ZFAND3: variants seen among roughly 807,000 people sequenced by gnomAD.
ZFAND3 encodes the protein zinc finger AN1-type containing 3, also known as AN1-type zinc finger protein 3.
Under a neutral mutation model 29.6 loss-of-function variants are expected in ZFAND3, and 10 were observed. The ratio of observed to expected loss-of-function variants is 0.34; its 90% CI spans 0.21 to 0.57. The LOEUF is 0.57. Among genes scored for constraint, ZFAND3 ranks in the 20% least tolerant of loss-of-function variants. The pLI is 0.86. For missense variants in ZFAND3, 230 were observed against 304.5 expected, an observed-to-expected ratio of 0.76 and a Z score of 1.82; for synonymous variants, 128 against 112.6, an observed-to-expected ratio of 1.14 and a Z score of -0.87.
chr6:38,149,411 A>G (rs1280852350), intron 5 of ZFAND3, among the ~76,000 whole-genome samples: 1 of 69,682 alleles, frequency 1.4e-5, no homozygotes, highest in Non-Finnish European at 2.8e-5. Flanking sequence ...ACCCTGTCTC[A>G]AAAAAAAAAA....
intron 2 of ZFAND3, among the ~76,000 whole-genome samples, chr6:37,944,330 A>G (rs765013181): frequency 2.6e-5 from 4 of 152,216 alleles, no homozygotes; most frequent in Non-Finnish European, 5.9e-5. Flanking sequence ...TCTTTATTAT[A>G]GATTTTTAAA....
chr6:37,920,822 A>C (rs534883668), intron 1 of ZFAND3, among the ~76,000 whole-genome samples: 1 of 152,266 alleles, frequency 6.6e-6, no homozygotes, highest in African/African-American at 2.4e-5. Flanking sequence ...CTCCTTTGTC[A>C]TTGCCAGCTA....
intron 2 of ZFAND3, among the ~76,000 whole-genome samples, chr6:37,948,152 A>T (rs543654388): frequency 6.6e-6 from 1 of 152,214 alleles, no homozygotes; most frequent in African/African-American, 2.4e-5. Context: ...ATGTCTGTTG[A>T]TTTTTTGCTT....
intron 5 of ZFAND3, among the ~76,000 whole-genome samples, chr6:38,127,379 C>T (rs1331355737): frequency 6.6e-6 from 1 of 152,198 alleles, no homozygotes; most frequent in Non-Finnish European, 1.5e-5. Context: ...AAGAGTTTTG[C>T]CATCCCATAG....
At position 38,145,048 on chromosome 6, in the gene ZFAND3, T is replaced by C. The variant is rs76724329; in HGVS notation, c.530-7187T>C. On this transcript the variant is annotated intron_variant, in intron 5 of 5. Transcript: ENST00000287218. ...ATTCTTAGGGATTGGAGGGAAATGC[T>C]GGCCTGTAGGGTCCAAGGGCCTCAG... Among the ~76,000 whole-genome samples the C allele has an allele frequency of 0.017, 2,570 of 152,300 alleles. 253 individuals are homozygous for C. In the East Asian group the frequency reaches 0.28, roughly 17 times the overall value.
At chr6:38,013,938 T>TG (rs1763207220) in intron 2 of ZFAND3, among the ~76,000 whole-genome samples, 1 of 152,194 alleles carries the variant, frequency 6.6e-6, no homozygotes, top group African/African-American at 2.4e-5. Flanking sequence ...GTTTTGCTTT[T>TG]GGGGAAAATA....
intron 2 of ZFAND3, among the ~76,000 whole-genome samples, chr6:37,983,934 G>A (rs560568632): frequency 1.6e-4 from 25 of 152,246 alleles, no homozygotes; most frequent in Non-Finnish European, 3.2e-4. Context: ...TCAGCAACAC[G>A]TGACTTACTT....
chr6:38,082,243 C>T, intron 3 of ZFAND3, 149 bp from the exon 4 acceptor site: 1 of 574,376 alleles, frequency 1.7e-6, no homozygotes, highest in Non-Finnish European at 2.9e-6. Flanking sequence ...TTAGAATTAA[C>T]CCACCACCAC....
At chr6:37,907,484 G>A (rs1022099872) in intron 1 of ZFAND3, among the ~76,000 whole-genome samples, 1 of 152,098 alleles carries the variant, frequency 6.6e-6, no homozygotes, top group Non-Finnish European at 1.5e-5. Context: ...GAATCATAAT[G>A]TATAGTCTTT....
intron 2 of ZFAND3, among the ~76,000 whole-genome samples, chr6:38,029,750 G>T (rs565400112): frequency 1.3e-5 from 2 of 152,084 alleles, no homozygotes; most frequent in Non-Finnish European, 2.9e-5. Flanking sequence ...AATATGAAGC[G>T]TTGGTGAGGA....
intron 2 of ZFAND3, among the ~76,000 whole-genome samples, chr6:37,991,264 A>G (rs1319440857): frequency 6.6e-6 from 1 of 152,054 alleles, no homozygotes; most frequent in East Asian, 1.9e-4. Flanking sequence ...ACTGTTGTGA[A>G]GGAGGATCCC....
intron 4 of ZFAND3, among the ~76,000 whole-genome samples, chr6:38,097,005 TCTC>T (rs1764994583): frequency 6.6e-6 from 1 of 152,152 alleles, no homozygotes; most frequent in Non-Finnish European, 1.5e-5. Flanking sequence ...ATGCTCTAAT[TCTC>T]CTCATTTACC....
intron 1 of ZFAND3, among the ~76,000 whole-genome samples, chr6:37,844,282 C>G (rs1764136171): frequency 6.6e-6 from 1 of 150,672 alleles, no homozygotes; most frequent in African/African-American, 2.4e-5. Flanking sequence ...TTCTTTCCTT[C>G]TCTGTCTTTC....
chr6:37,856,192 G>A (rs1581712056), intron 1 of ZFAND3, among the ~76,000 whole-genome samples: 2 of 151,880 alleles, frequency 1.3e-5, no homozygotes, highest in South Asian at 4.2e-4. Flanking sequence ...ACCCAGTTTC[G>A]CCATGTTGCC....
chr6:38,025,945 A>C (rs1239409697), intron 2 of ZFAND3, among the ~76,000 whole-genome samples: 1 of 152,220 alleles, frequency 6.6e-6, no homozygotes, highest in African/African-American at 2.4e-5. Flanking sequence ...TGATGAAAAC[A>C]ATCTAAAATT....
chr6:38,103,444 TATATATACACAC>T (rs1158330967), intron 4 of ZFAND3, among the ~76,000 whole-genome samples: 1 of 71,032 alleles, frequency 1.4e-5, no homozygotes, highest in Non-Finnish European at 2.8e-5. Flanking sequence ...TACACGTGTA[TATATATACACAC>T]ATATATACAC....
intron 5 of ZFAND3, among the ~76,000 whole-genome samples, chr6:38,123,034 G>A (rs1047558465): frequency 3.3e-5 from 5 of 152,294 alleles, no homozygotes; most frequent in South Asian, 2.1e-4. Flanking sequence ...TTGGATGTTC[G>A]TTTATAGTGA....
At chr6:38,045,088 T>TGA (rs1561978653) in intron 2 of ZFAND3, among the ~76,000 whole-genome samples, 15 of 147,612 alleles carry the variant, frequency 1.0e-4, no homozygotes, top group Admixed American at 3.4e-4. Context: ...ATTTATTTAT[T>TGA]TATTTATTTA....
Position 37,908,756 on chromosome 6 carries a change from A to G in ZFAND3, c.72-21203A>G, listed in dbSNP as rs182133788. Reference sequence around the variant, plus strand: ...TTAATTTTCAAAGAAAAAAAAAAAAAAAAAGAAAAGTTTGATCACTTGCTT... The same window carrying G: ...TTAATTTTCAAAGAAAAAAAAAAAAGAAAAGAAAAGTTTGATCACTTGCTT... On this transcript the variant is annotated intron_variant, in intron 1 of 5. Coordinates refer to ENST00000287218, the MANE Select transcript of ZFAND3 (RefSeq NM_021943.3). 9.4e-3 allele frequency among the ~76,000 whole-genome samples: 1,422 copies of G among 150,908 alleles called. 28 individuals are homozygous for G. Among genetic ancestry groups the G allele is most frequent in the African/African-American group, 0.032 (1,315 of 41,344 alleles).
Sources: gnomAD v4.1 joint callset for allele counts (sites outside exome capture counted in the v4.1 genomes callset) on GRCh38, gnomAD v4.1.1 for gene constraint, MANE v1.5 for transcripts, NCBI Gene and HGNC (gene_info 2026-07-23, HGNC 2026-07-21) for gene names.